Variants in MAN1A2 observed in about 807,000 individuals in gnomAD.
MAN1A2 encodes the protein mannosyl-oligosaccharide 1,2-alpha-mannosidase IB.
A neutral mutation model predicts 75.7 loss-of-function variants in MAN1A2; 26 were observed. That is an observed-to-expected ratio of 0.34 (90% CI 0.25 to 0.48). The LOEUF (loss-of-function observed/expected upper bound fraction) is 0.48, where lower values mean the gene tolerates loss of function less well. MAN1A2 is among the 20% of genes least tolerant of loss of function. The pLI is 0.99. For missense variants in MAN1A2, 562 were observed against 775.5 expected (o/e 0.72, Z 3.27); for synonymous variants, 247 against 264.6 (o/e 0.93, Z 0.65).
chr1:117,387,216 TAAAA>T (rs565416366), intron 1 of MAN1A2, among the ~76,000 whole-genome samples: 2 of 125,532 alleles, frequency 1.6e-5, no homozygotes, highest in Non-Finnish European at 3.4e-5. Flanking sequence ...ATGGCTGTTG[TAAAA>T]AAAAAAAAAA....
In MAN1A2 at chr1:117,523,067, C is replaced by A; in HGVS notation, c.*110C>A. On this transcript the variant is annotated 3_prime_UTR_variant, in exon 13 of 13. Coordinates refer to ENST00000356554, the MANE Select transcript of MAN1A2 (RefSeq NM_006699.5). The stretch of plus-strand genomic sequence containing the variant: ...AACCTGGACCTCTATGTCAACATGA[C>A]AGGGTGAAACTATTCCCCCTAAGAC... The A allele has an allele frequency of 8.8e-7, 1 of 1,138,836 alleles. No homozygotes were observed. The highest frequency in any genetic ancestry group is 1.3e-6 in the Non-Finnish European group (1 of 765,290). 70.5% of individuals were successfully genotyped at this position (1,138,836 alleles called of 1,614,324 possible). A position where few individuals can be genotyped will look rare whatever the true frequency, so the allele number is the denominator to read the frequency against.
chr1:117,387,206 A>C (rs1289238234), intron 1 of MAN1A2, among the ~76,000 whole-genome samples: 1 of 141,144 alleles, frequency 7.1e-6, no homozygotes, highest in African/African-American at 2.7e-5. Flanking sequence ...ATCTATTAGG[A>C]TGGCTGTTGT....
rs188143572 is a variant in MAN1A2 at position 117,450,649 on chromosome 1, G to T, written c.950+8324G>T. ...TGGGCCAGGCCCAGGGTCCCCTTGT[G>T]TGCAGCCTAGGGACTTGGTGCCCTG... On this transcript the variant is annotated intron_variant, in intron 6 of 12. Coordinates refer to ENST00000356554, the MANE Select transcript of MAN1A2 (RefSeq NM_006699.5). Among the ~76,000 whole-genome samples, 9 of 152,314 alleles carry T rather than the reference G, an allele frequency of 5.9e-5. No homozygotes were observed. The South Asian group carries it at 8.3e-4, about 14-fold the overall frequency.
At chr1:117,442,005 A>G (rs1649048305) in intron 5 of MAN1A2, among the ~76,000 whole-genome samples, 1 of 152,250 alleles carries the variant, frequency 6.6e-6, no homozygotes, top group African/African-American at 2.4e-5. Context: ...TTCCTTTTCA[A>G]TTAATTGTTG....
At chr1:117,451,261 A>G (rs1359475485) in intron 6 of MAN1A2, among the ~76,000 whole-genome samples, 1 of 152,216 alleles carries the variant, frequency 6.6e-6, no homozygotes, top group African/African-American at 2.4e-5. Flanking sequence ...TGGGGCCTGT[A>G]GCCCTTTGTT....
At chr1:117,502,751 A>C (rs755022748) in intron 11 of MAN1A2, 104 bp from the exon 12 acceptor site, 4 of 661,406 alleles carry the variant, frequency 6.0e-6, no homozygotes, top group African/African-American at 1.9e-5. Context: ...TCAAATTTTC[A>C]TACAAATCTT....
At chr1:117,384,197 GTTCT>G (rs1205518395) in intron 1 of MAN1A2, among the ~76,000 whole-genome samples, 2 of 151,898 alleles carry the variant, frequency 1.3e-5, no homozygotes, top group African/African-American at 4.8e-5. Flanking sequence ...TCTTTTTCTA[GTTCT>G]TTAAGTTGTA....
chr1:117,417,548 T>TATATATATATATATATATATATATAG (rs1570726389), intron 4 of MAN1A2, among the ~76,000 whole-genome samples: 1 of 141,916 alleles, frequency 7.0e-6, no homozygotes, highest in Non-Finnish European at 1.5e-5. Context: ...TATATATATA[T>TATATATATATATATATATATATATAG]ATATATATAT....
At chr1:117,462,397 G>A (rs969584820) in intron 7 of MAN1A2, among the ~76,000 whole-genome samples, 1 of 152,070 alleles carries the variant, frequency 6.6e-6, no homozygotes, top group Admixed American at 6.6e-5. Flanking sequence ...AAACAAAGCT[G>A]AACAGTATAT....
chr1:117,446,983 T>C (rs1649254713), intron 6 of MAN1A2, among the ~76,000 whole-genome samples: 1 of 152,170 alleles, frequency 6.6e-6, no homozygotes, highest in African/African-American at 2.4e-5. Context: ...ATTATATGCT[T>C]TCTGATTACT....
At chr1:117,371,271 A>G (rs1652956615) in intron 1 of MAN1A2, among the ~76,000 whole-genome samples, 1 of 152,228 alleles carries the variant, frequency 6.6e-6, no homozygotes, top group Non-Finnish European at 1.5e-5. Context: ...GTCTAAAGGA[A>G]CATTTTATAA....
intron 1 of MAN1A2, among the ~76,000 whole-genome samples, chr1:117,400,479 A>G (rs1044943595): frequency 1.3e-5 from 2 of 151,854 alleles, no homozygotes; most frequent in Non-Finnish European, 2.9e-5. Flanking sequence ...CATTAAAAAA[A>G]AAACTCCCTT....
intron 5 of MAN1A2, among the ~76,000 whole-genome samples, chr1:117,430,184 A>C (rs1648573023): frequency 1.1e-5 from 1 of 89,114 alleles, no homozygotes; most frequent in Non-Finnish European, 2.3e-5. Flanking sequence ...CACCTCCCGG[A>C]CGGGGCGGCT....
rs77985348 is a variant in MAN1A2, at chr1:117,387,606, T to C, written c.303-14580T>C. ...AGTAGTAAATGCAAAAGTATGGAGG[T>C]AAAGGTGTACCATTAGTTTTTGGGC... On this transcript the variant is annotated intron_variant, in intron 1 of 12. Transcript: ENST00000356554. Among the ~76,000 whole-genome samples the C allele has an allele frequency of 7.4e-3, 1,119 of 152,236 alleles. 18 individuals are homozygous for C. The highest frequency in any genetic ancestry group is 0.026 in the African/African-American group (1,071 of 41,538).
At chr1:117,515,182 T>A (rs1311686708) in intron 12 of MAN1A2, 1 of 172,638 alleles carries the variant, frequency 5.8e-6, no homozygotes, top group Non-Finnish European at 1.3e-5. Flanking sequence ...TATAGTTTTT[T>A]AAAAATTACA....
intron 12 of MAN1A2, among the ~76,000 whole-genome samples, chr1:117,520,303 C>G (rs1651835620): frequency 6.6e-6 from 1 of 151,908 alleles, no homozygotes; most frequent in Non-Finnish European, 1.5e-5. Context: ...CTTCAACTAG[C>G]ACTGGAAGTC....
At chr1:117,377,144 CT>C (rs1212984057) in intron 1 of MAN1A2, among the ~76,000 whole-genome samples, 1 of 152,124 alleles carries the variant, frequency 6.6e-6, no homozygotes, top group Non-Finnish European at 1.5e-5. Flanking sequence ...GCATACATGA[CT>C]TTTTTCCAAT....
chr1:117,499,744 A>G (rs1651141235), intron 11 of MAN1A2, among the ~76,000 whole-genome samples, 190 bp downstream of exon 11: 1 of 147,910 alleles, frequency 6.8e-6, no homozygotes, highest in African/African-American at 2.5e-5. Flanking sequence ...TATATTAAAT[A>G]TATATTAAAA....
chr1:117,421,990 T>C (rs1336467249), intron 5 of MAN1A2, among the ~76,000 whole-genome samples: 2 of 152,154 alleles, frequency 1.3e-5, no homozygotes, highest in Admixed American at 6.5e-5. Flanking sequence ...ATTGGTTCTA[T>C]ATTTTGAGAA....
Sources: gnomAD v4.1 joint callset for allele counts (sites outside exome capture counted in the v4.1 genomes callset) on GRCh38, gnomAD v4.1.1 for gene constraint, MANE v1.5 for transcripts, NCBI Gene and HGNC (gene_info 2026-07-23, HGNC 2026-07-21) for gene names.